The following SLC7A5 variants were observed in gnomAD, a reference collection of about 807,000 sequenced individuals.
The protein encoded by SLC7A5 is large neutral amino acids transporter small subunit 1.
SLC7A5 carries 23 observed loss-of-function variants against 50.2 expected under a neutral mutation model. The observed-to-expected ratio is 0.46, with a 90% confidence interval of 0.33 to 0.65. SLC7A5 has a LOEUF of 0.65. Ranked by LOEUF, SLC7A5 falls within the 30% of genes least tolerant of loss-of-function variation. SLC7A5 has a pLI of 0.02. For missense variants in SLC7A5, 578 were observed against 684.4 expected, an observed-to-expected ratio of 0.84 and a Z score of 1.73; for synonymous variants, 393 against 330.6, an observed-to-expected ratio of 1.19 and a Z score of -2.05.
chr16:87,869,329 C>A lies in SLC7A5; in HGVS notation c.94G>T (p.Ala32Ser), dbSNP rs759266297. 8.7e-6 allele frequency: 14 copies of A among 1,610,144 alleles called. No homozygotes were observed. The African/African-American group carries it at 1.5e-4, about 17-fold the overall frequency. The change falls in exon 1 of 10, where the codon GCG (alanine) becomes TCG (serine). Residue 32 changes from alanine (A) to serine (S), a missense_variant. Transcript: ENST00000261622. ...AREKMLAAKS[A>S]DGSAPAGEGE... ...TCGCCTGCCGGCGCCGAGCCGTCCGCGCTCTTGGCGGCCAGCATCTTCTCC... is the reference window on the plus strand; with the variant it reads ...TCGCCTGCCGGCGCCGAGCCGTCCGAGCTCTTGGCGGCCAGCATCTTCTCC...
rs2054956977 is a variant in SLC7A5, at chr16:87,833,419, G to C, written c.1469-394C>G. Among the ~76,000 whole-genome samples, 1 of 152,254 alleles carries C rather than the reference G, an allele frequency of 6.6e-6. No homozygotes were observed. Among genetic ancestry groups the C allele is most frequent in the Admixed American group, 6.5e-5 (1 of 15,288 alleles). On this transcript the variant is annotated intron_variant, in intron 9 of 9. Transcript: ENST00000261622. This position sits in a 1 kb window ranked among gnomAD's most constrained non-coding sequence, Gnocchi z 6.0. ...ATGCCTGGACTGTTCACAGCAGGCA[G>C]GGCCGGAGGGGCCAATCTGCTAACG...
At chr16:87,867,471 G>A (rs926114460) in intron 1 of SLC7A5, among the ~76,000 whole-genome samples, 9 of 152,102 alleles carry the variant, frequency 5.9e-5, no homozygotes, top group East Asian at 1.9e-4. Context: ...GCGGCTGCTC[G>A]ACTCAGAGCC....
Position 87,839,817 on chromosome 16 carries a change from G to T in SLC7A5, c.824C>A (p.Pro275His). The change falls in exon 5 of 10, where the codon CCC becomes CAC. Residue 275 changes from proline to histidine, a missense_variant. Transcript: ENST00000261622. ...GGGCAGGGAGATGATGATGGCCAGG[G>T]GCAGGTTTCTGGAAAGAACAGGGAC... ...EEMINPYRNL[P>H]LAIIISLPIV... 2 of 1,613,818 alleles carry T rather than the reference G, an allele frequency of 1.2e-6. No homozygotes were observed. Among genetic ancestry groups the T allele is most frequent in the Non-Finnish European group, 1.7e-6 (2 of 1,179,972 alleles).
chr16:87,855,714 G>A (rs546376006), intron 1 of SLC7A5, among the ~76,000 whole-genome samples: 33 of 152,040 alleles, frequency 2.2e-4, no homozygotes, highest in African/African-American at 7.5e-4. Flanking sequence ...AGGGTCCAGT[G>A]TTGGAGGAGA....
In SLC7A5 at chr16:87,862,604, A is replaced by T. The variant is rs1460318009; in HGVS notation, c.538+6281T>A. 6.6e-6 allele frequency among the ~76,000 whole-genome samples: 1 copy of T among 152,074 alleles called. No homozygotes were observed. Among genetic ancestry groups the T allele is most frequent in the Non-Finnish European group, 1.5e-5 (1 of 67,996 alleles). ...CTCCTTCCTTCTTTTGCCAGAGGAG[A>T]AGACAGTGAGGCTGAGGGCTGCTCC... On this transcript the variant is annotated intron_variant, in intron 1 of 9. Transcript: ENST00000261622. The surrounding 1 kb of genome is among the most constrained non-coding windows in gnomAD (Gnocchi z 5.3).
chr16:87,845,881 C>T lies in SLC7A5; in HGVS notation c.665-4726G>A, dbSNP rs1392595732. Among the ~76,000 whole-genome samples the T allele has an allele frequency of 5.3e-5, 8 of 152,286 alleles. No homozygotes were observed. In the South Asian group the frequency reaches 1.2e-3, roughly 24 times the overall value. On this transcript the variant is annotated intron_variant, in intron 2 of 9. Coordinates refer to ENST00000261622, the MANE Select transcript of SLC7A5 (RefSeq NM_003486.7). ...GAAGGGCACCGGGAGGTGAAGGCCG[C>T]GGGAAAACAAGCCCCGCTCCCGTCC...
intron 1 of SLC7A5, among the ~76,000 whole-genome samples, chr16:87,865,808 G>A (rs1236415770): frequency 6.6e-6 from 1 of 152,064 alleles, no homozygotes; most frequent in Non-Finnish European, 1.5e-5. Flanking sequence ...TCTTTGGAAG[G>A]CACATTAGCT....
intron 2 of SLC7A5, among the ~76,000 whole-genome samples, chr16:87,842,541 G>A (rs543704993): frequency 1.2e-4 from 19 of 152,344 alleles, no homozygotes; most frequent in African/African-American, 4.6e-4. Flanking sequence ...CTTCCTGATG[G>A]GTGGACCCAG....
chr16:87,847,777 C>A (rs115725847), intron 2 of SLC7A5, among the ~76,000 whole-genome samples: 1 of 152,114 alleles, frequency 6.6e-6, no homozygotes, highest in African/African-American at 2.4e-5. Context: ...TGGGGCAGGG[C>A]ACCCCACTTC....
At chr16:87,844,215 G>T (rs1226538467) in intron 2 of SLC7A5, among the ~76,000 whole-genome samples, 1 of 152,024 alleles carries the variant, frequency 6.6e-6, no homozygotes, top group African/African-American at 2.4e-5. Context: ...CTTCCTCAGG[G>T]GCTGGTGGAG....
chr16:87,836,132 C>T (rs1200139999), intron 8 of SLC7A5, among the ~76,000 whole-genome samples: 2 of 152,252 alleles, frequency 1.3e-5, no homozygotes, highest in African/African-American at 4.8e-5. Context: ...TCCCTGCATT[C>T]CTCCTGCCAG....
intron 2 of SLC7A5, among the ~76,000 whole-genome samples, chr16:87,842,337 A>G (rs572673606): frequency 6.6e-6 from 1 of 152,190 alleles, no homozygotes. Context: ...GCCTTGGACC[A>G]CAGGTCACCA....
At chr16:87,838,122 C>T (rs33923153) in intron 6 of SLC7A5, among the ~76,000 whole-genome samples, 181 bp from the exon 7 acceptor site, 456 of 152,322 alleles carry the variant, frequency 3.0e-3, no homozygotes, top group African/African-American at 0.01. Context: ...CCAACCAACT[C>T]GGCAAGGACA....
intron 2 of SLC7A5, 80 bp downstream of exon 2, chr16:87,851,644 G>A (rs2055224741): frequency 6.5e-7 from 1 of 1,546,350 alleles, no homozygotes; most frequent in African/African-American, 1.4e-5. Context: ...AGGCACCCGG[G>A]GACGGGACCT....
At chr16:87,851,603 G>T in intron 2 of SLC7A5, 121 bp downstream of exon 2, 2 of 1,252,358 alleles carry the variant, frequency 1.6e-6, no homozygotes, top group Non-Finnish European at 2.2e-6. Context: ...AAATCTCCAC[G>T]TTGTACAGCA....
At chr16:87,842,430 G>C (rs554277018) in intron 2 of SLC7A5, among the ~76,000 whole-genome samples, 2 of 152,342 alleles carry the variant, frequency 1.3e-5, no homozygotes, top group Admixed American at 1.3e-4. Flanking sequence ...AAGGGGACCC[G>C]TGAAGGGAGG....
Position 87,832,768 on chromosome 16 carries a change from TGG to T in SLC7A5, c.*200_*201del, listed in dbSNP as rs113792715. On this transcript the variant is annotated 3_prime_UTR_variant, in exon 10 of 10. Coordinates refer to ENST00000261622, the MANE Select transcript of SLC7A5 (RefSeq NM_003486.7). The surrounding 1 kb of genome is among the most constrained non-coding windows in gnomAD (Gnocchi z 4.6). ...TCCTGGGCAGGAGCACAGGCACACCTGGGTCCCTGGCCCTCAGTTGAGGGATG... is the reference window on the plus strand; with the variant it reads ...TCCTGGGCAGGAGCACAGGCACACCTGTCCCTGGCCCTCAGTTGAGGGATG... 1.9e-3 allele frequency: 1,110 copies of T among 590,668 alleles called. 6 individuals carry two copies. The African/African-American group carries it at 0.019, about 10-fold the overall frequency. 36.6% of individuals were successfully genotyped at this position (590,668 alleles called of 1,614,324 possible). A position where few individuals can be genotyped will look rare whatever the true frequency, so the allele number is the denominator to read the frequency against.
In SLC7A5 at chr16:87,861,298, G is replaced by A. The variant is rs2055394853; in HGVS notation, c.538+7587C>T. ...GCAAAGGGCCCCTAGGGGATGCTGG[G>A]GAACACAGATGAGCCTCTGACCCAC... On this transcript the variant is annotated intron_variant, in intron 1 of 9. Transcript: ENST00000261622. This position sits in a 1 kb window ranked among gnomAD's most constrained non-coding sequence, Gnocchi z 4.2. Among the ~76,000 whole-genome samples, 2 of 152,084 alleles carry A rather than the reference G, an allele frequency of 1.3e-5. No homozygotes were observed. The highest frequency in any genetic ancestry group is 1.3e-4 in the Admixed American group (2 of 15,272).
rs1183447033 is a variant in SLC7A5 at position 87,860,653 on chromosome 16, T to G, written c.538+8232A>C. On this transcript the variant is annotated intron_variant, in intron 1 of 9. Transcript: ENST00000261622. This position sits in a 1 kb window ranked among gnomAD's most constrained non-coding sequence, Gnocchi z 4.8. ...TCCGGATAAATCTCTTCAAACATTT[T>G]ACAGAGTCTGGCTTTCTCGTTAACA... Among the ~76,000 whole-genome samples, 1 of 152,190 alleles carries G rather than the reference T, an allele frequency of 6.6e-6. No individual in the cohort carries two copies. The highest frequency in any genetic ancestry group is 2.4e-5 in the African/African-American group (1 of 41,438).
Sources: allele counts gnomAD v4.1 joint callset (sites outside exome capture counted in the v4.1 genomes callset), GRCh38; gene constraint gnomAD v4.1.1; non-coding constraint Gnocchi (gnomAD v3.1); transcripts MANE v1.5; gene names NCBI Gene and HGNC (gene_info 2026-07-23, HGNC 2026-07-21).